Variants in ZFP30 observed in about 807,000 individuals in gnomAD.
The protein encoded by ZFP30 is zinc finger protein 30 homolog.
ZFP30 carries 16 observed loss-of-function variants against 12.3 expected under a neutral mutation model. That is an observed-to-expected ratio of 1.30 (90% CI 0.88 to 1.98). The LOEUF is 1.98. Among genes scored for constraint, ZFP30 ranks in the 30% most tolerant of loss-of-function variants. The probability of loss-of-function intolerance (pLI) is 0.00; values close to 1 mark genes in which losing one functional copy is unlikely to be tolerated. For missense variants in ZFP30, 560 were observed against 611.2 expected (o/e 0.92, Z 0.88); for synonymous variants, 172 against 201.0 (o/e 0.86, Z 1.22).
rs910538215 is a variant in ZFP30 at position 37,631,341 on chromosome 19, CTTAA to C, written c.*3636_*3639del. 3 of 152,116 alleles carry C rather than the reference CTTAA, an allele frequency of 2.0e-5. No homozygotes were observed. Among genetic ancestry groups the C allele is most frequent in the East Asian group, 1.9e-4 (1 of 5,198 alleles). The allele number at this position is 152,116 out of a possible 1,614,324, so 9.4% of individuals were successfully genotyped here. ...TTTGGAGAAGCTATAGTTTTATTTT[CTTAA>C]TTATTAATTTTAATATGCTCATTTA... On this transcript the variant is annotated 3_prime_UTR_variant, in exon 6 of 6. Transcript: ENST00000684514.
chr19:37,649,900 G>A (rs1020426402), intron 2 of ZFP30, among the ~76,000 whole-genome samples: 1 of 152,088 alleles, frequency 6.6e-6, no homozygotes, highest in Non-Finnish European at 1.5e-5. Context: ...CATATTTGAT[G>A]TCATGGGAAG....
rs907003326 is a variant in ZFP30 at position 37,642,856 on chromosome 19, T to C, written c.235+409A>G. Among the ~76,000 whole-genome samples, 4 of 151,690 alleles carry C rather than the reference T, an allele frequency of 2.6e-5. No individual in the cohort carries two copies. The East Asian group carries it at 7.8e-4, about 29-fold the overall frequency. On this transcript the variant is annotated intron_variant, in intron 5 of 5. Transcript: ENST00000684514. ...GGATCACGAGGTCAGATCAAGACCA[T>C]CCTGGCTAACATGGTGAAACCCCGT...
chr19:37,645,687 G>A (rs1453237859), intron 3 of ZFP30, among the ~76,000 whole-genome samples: 3 of 151,372 alleles, frequency 2.0e-5, no homozygotes. Context: ...CATAGGAACA[G>A]TACTTGCAAA....
At chr19:37,643,193 G>T (rs117734665) in intron 5 of ZFP30, 72 bp downstream of exon 5, 3 of 1,170,692 alleles carry the variant, frequency 2.6e-6, no homozygotes, top group Non-Finnish European at 2.5e-6. Flanking sequence ...GACATCTAAG[G>T]GGTGTGTCTC....
intron 5 of ZFP30, among the ~76,000 whole-genome samples, chr19:37,637,478 C>T (rs1286476431): frequency 4.6e-5 from 7 of 151,738 alleles, no homozygotes; most frequent in Admixed American, 1.3e-4. Context: ...CGTCAGCCAC[C>T]GCGCCCAGCC....
rs1379366679 is a variant in ZFP30, at chr19:37,632,560, A to AT, written c.*2420dup. 2.0e-5 allele frequency: 3 copies of AT among 152,196 alleles called. No homozygotes were observed. Among genetic ancestry groups the AT allele is most frequent in the African/African-American group, 7.2e-5 (3 of 41,438 alleles). The allele number at this position is 152,196 out of a possible 1,614,324, so 9.4% of individuals were successfully genotyped here. A position where few individuals can be genotyped will look rare whatever the true frequency, so the allele number is the denominator to read the frequency against. On this transcript the variant is annotated 3_prime_UTR_variant, in exon 6 of 6. Coordinates refer to ENST00000684514, the MANE Select transcript of ZFP30 (RefSeq NM_001320669.3). ...GTGAGCTACATATATAAATTTTCCT[A>AT]TAACAATTTTAAAAACAAAAAAGTG... is the stretch of plus-strand genomic sequence containing the variant.
chr19:37,644,859 G>A lies in ZFP30; in HGVS notation c.10-123C>T, dbSNP rs2044509926. ...TAGCTTTGGGAGCCTGAAGCAGGAG[G>A]ACTGCTTGAGGCCAGGAGTTTGAGA... On this transcript the variant is annotated intron_variant, in intron 3 of 5. Transcript: ENST00000684514. 6.3e-6 allele frequency: 6 copies of A among 953,314 alleles called. No individual in the cohort carries two copies. The Admixed American group carries it at 1.7e-4, about 28-fold the overall frequency. The allele number at this position is 953,314 out of a possible 1,614,324, so 59.1% of individuals were successfully genotyped here. A position where few individuals can be genotyped will look rare whatever the true frequency, so the allele number is the denominator to read the frequency against.
rs1317027044 is a variant in ZFP30, at chr19:37,636,086, T to C, written c.455A>G (p.His152Arg). The change falls in exon 6 of 6, where the codon CAT (histidine) becomes CGT (arginine). Residue 152 changes from histidine to arginine, a missense_variant. By Grantham distance (29) the His-to-Arg change is conservative (BLOSUM62 0). Coordinates refer to ENST00000684514, the MANE Select transcript of ZFP30 (RefSeq NM_001320669.3). ...ACATTCGTAGGGTTTCTCTCTGTTA[T>C]GACTTTTCTGATACAGAGGAAGAGA... ...LTSLPLYQKS[H>R]NREKPYECGE... The C allele has an allele frequency of 1.2e-6, 2 of 1,614,096 alleles. No homozygotes were observed. Among genetic ancestry groups the C allele is most frequent in the African/African-American group, 1.3e-5 (1 of 74,934 alleles).
chr19:37,650,320 C>T (rs1390424520), intron 2 of ZFP30, among the ~76,000 whole-genome samples: 1 of 152,070 alleles, frequency 6.6e-6, no homozygotes, highest in East Asian at 1.9e-4. Flanking sequence ...GCCTAGCCTG[C>T]TCTCAAACTC....
At position 37,632,541 on chromosome 19, in the gene ZFP30, TAC is replaced by T. The variant is rs1325032904; in HGVS notation, c.*2438_*2439del. The T allele has an allele frequency of 2.0e-5, 3 of 152,192 alleles. No individual in the cohort carries two copies. The highest frequency in any genetic ancestry group is 6.5e-5 in the Admixed American group (1 of 15,278). The allele number at this position is 152,192 out of a possible 1,614,324, so 9.4% of individuals were successfully genotyped here. ...GCGCTGACAATAGAAATACGTGAGC[TAC>T]ATATATAAATTTTCCTATAACAATT... is the stretch of plus-strand genomic sequence containing the variant. On this transcript the variant is annotated 3_prime_UTR_variant, in exon 6 of 6. Transcript: ENST00000684514.
At position 37,634,254 on chromosome 19, in the gene ZFP30, A is replaced by C. The variant is rs1282957193; in HGVS notation, c.*727T>G. 6.6e-6 allele frequency: 1 copy of C among 152,258 alleles called. No homozygotes were observed. Among genetic ancestry groups the C allele is most frequent in the Non-Finnish European group, 1.5e-5 (1 of 68,020 alleles). 9.4% of individuals were successfully genotyped at this position (152,258 alleles called of 1,614,324 possible). On this transcript the variant is annotated 3_prime_UTR_variant, in exon 6 of 6. Transcript: ENST00000684514. ...TTCCTTGAATTTTCTCTAAACTGGG[A>C]GTTGGCTCTTGAGGCTTAAATTCAG...
rs1252278829 is a variant in ZFP30, at chr19:37,633,349, T to C, written c.*1632A>G. 2 of 152,164 alleles carry C rather than the reference T, an allele frequency of 1.3e-5. No homozygotes were observed. Among genetic ancestry groups the C allele is most frequent in the Non-Finnish European group, 1.5e-5 (1 of 68,034 alleles). 9.4% of individuals were successfully genotyped at this position (152,164 alleles called of 1,614,324 possible). A position where few individuals can be genotyped will look rare whatever the true frequency, so the allele number is the denominator to read the frequency against. Reference sequence around the variant, plus strand: ...GGCAACATCCACAAGTTTTAATATGTAGAAATTTTCTTTTTTTCTTTGAGA... The same window carrying C: ...GGCAACATCCACAAGTTTTAATATGCAGAAATTTTCTTTTTTTCTTTGAGA... On this transcript the variant is annotated 3_prime_UTR_variant, in exon 6 of 6. Coordinates refer to ENST00000684514, the MANE Select transcript of ZFP30 (RefSeq NM_001320669.3).
At position 37,636,082 on chromosome 19, in the gene ZFP30, G is replaced by C; in HGVS notation, c.459C>G (p.Asn153Lys). ...TSLPLYQKSH[N>K]REKPYECGEC... ...CCCCACATTCGTAGGGTTTCTCTCT[G>C]TTATGACTTTTCTGATACAGAGGAA... Residue 153 changes from asparagine to lysine, a missense_variant, in exon 6 of 6, where the codon AAC (asparagine) becomes AAG (lysine). Coordinates refer to ENST00000684514, the MANE Select transcript of ZFP30 (RefSeq NM_001320669.3). 1 of 1,614,124 alleles carries C rather than the reference G, an allele frequency of 6.2e-7. No homozygotes were observed. The highest frequency in any genetic ancestry group is 8.5e-7 in the Non-Finnish European group (1 of 1,180,016).
At chr19:37,648,130 T>A (rs2044578704) in intron 2 of ZFP30, among the ~76,000 whole-genome samples, 1 of 152,150 alleles carries the variant, frequency 6.6e-6, no homozygotes, top group Non-Finnish European at 1.5e-5. Flanking sequence ...TCAAAGCATA[T>A]GTCTAGACAC....
At position 37,644,601 on chromosome 19, in the gene ZFP30, T is replaced by C; in HGVS notation, c.136+9A>G. ...TCTAAATTATCTGACACAGATATGCTAGGCTTACCCAGTGACACCAAGTTG... is the reference window on the plus strand; with the variant it reads ...TCTAAATTATCTGACACAGATATGCCAGGCTTACCCAGTGACACCAAGTTG... On this transcript the variant is annotated intron_variant, in intron 4 of 5. Transcript: ENST00000684514. The C allele has an allele frequency of 6.3e-7, 1 of 1,588,582 alleles. No homozygotes were observed.
chr19:37,639,521 G>A (rs565781055), intron 5 of ZFP30, among the ~76,000 whole-genome samples: 1 of 152,248 alleles, frequency 6.6e-6, no homozygotes, highest in South Asian at 2.1e-4. Flanking sequence ...ATCACTTGGG[G>A]TGGAAGGATT....
In ZFP30 at chr19:37,635,280, G is replaced by C. The variant is rs746238030; in HGVS notation, c.1261C>G (p.Leu421Val). The change falls in exon 6 of 6, where the codon CTG (leucine) becomes GTG (valine). Residue 421 changes from leucine to valine, a missense_variant. By Grantham distance (32) the Leu-to-Val change is conservative. Transcript: ENST00000684514. ...ECKECGKAFR[L>V]FSQLTQHQSI... ...TGATGTTGAGTAAGCTGTGAGAACA[G>C]CCTAAATGCCTTCCCACATTCCTTA... 1 of 1,614,110 alleles carries C rather than the reference G, an allele frequency of 6.2e-7. No homozygotes were observed. Among genetic ancestry groups the C allele is most frequent in the Non-Finnish European group, 8.5e-7 (1 of 1,179,978 alleles).
In ZFP30 at chr19:37,632,713, CAAA is replaced by C. The variant is rs933485065; in HGVS notation, c.*2265_*2267del. The stretch of plus-strand genomic sequence containing the variant: ...TAAGTCTTCAGAATCTTGTGTTTTA[CAAA>C]AAAACACCATTTGAATTTGGACTAG... On this transcript the variant is annotated 3_prime_UTR_variant, in exon 6 of 6. Coordinates refer to ENST00000684514, the MANE Select transcript of ZFP30 (RefSeq NM_001320669.3). 6.6e-6 allele frequency: 1 copy of C among 151,902 alleles called. No homozygotes were observed. The highest frequency in any genetic ancestry group is 2.4e-5 in the African/African-American group (1 of 41,354). 9.4% of individuals were successfully genotyped at this position (151,902 alleles called of 1,614,324 possible).
rs897913945 is a variant in ZFP30, at chr19:37,632,847, G to C, written c.*2134C>G. On this transcript the variant is annotated 3_prime_UTR_variant, in exon 6 of 6. Coordinates refer to ENST00000684514, the MANE Select transcript of ZFP30 (RefSeq NM_001320669.3). ...CCATTATTTCCCACATTTAGCAGTA[G>C]TAATTGCTTTCTTTTACTCATTCTT... is the stretch of plus-strand genomic sequence containing the variant. The C allele has an allele frequency of 6.6e-6, 1 of 152,160 alleles. No individual in the cohort carries two copies. Among genetic ancestry groups the C allele is most frequent in the Admixed American group, 6.5e-5 (1 of 15,274 alleles). The allele number at this position is 152,160 out of a possible 1,614,324, so 9.4% of individuals were successfully genotyped here.
Sources: gnomAD v4.1 joint callset for allele counts (sites outside exome capture counted in the v4.1 genomes callset) on GRCh38, gnomAD v4.1.1 for gene constraint, MANE v1.5 for transcripts, NCBI Gene and HGNC (gene_info 2026-07-23, HGNC 2026-07-21) for gene names.